Variants in RSF1 observed in about 807,000 individuals in gnomAD.
The protein encoded by RSF1 is remodeling and spacing factor 1.
In RSF1, 13 loss-of-function variants were observed where a neutral mutation model predicts 145.2. The observed-to-expected ratio is 0.09, with a 90% CI of 0.06 to 0.14. The LOEUF (loss-of-function observed/expected upper bound fraction) is 0.14, where lower values mean the gene tolerates loss of function less well. Among genes scored for constraint, RSF1 ranks in the 10% least tolerant of loss-of-function variants. The pLI, the probability that RSF1 is intolerant of heterozygous loss-of-function variation, is 1.00. For synonymous variants in RSF1, 577 were observed against 592.6 expected (o/e 0.97, Z 0.38); for missense variants, 1,517 against 1,718.2 (o/e 0.88, Z 2.07).
At chr11:77,838,357 A>T in the RSF1 span, among the ~76,000 whole-genome samples, 2 of 152,182 alleles carry the variant, frequency 1.3e-5, no homozygotes, top group African/African-American at 4.8e-5. Context: ...TATATATGAG[A>T]TTATATCCTT....
At chr11:77,675,780 C>T (rs1395345929) in intron 13 of RSF1, among the ~76,000 whole-genome samples, 1 of 152,204 alleles carries the variant, frequency 6.6e-6, no homozygotes, top group Non-Finnish European at 1.5e-5. Flanking sequence ...CAAATAGTTT[C>T]TCTAATATCT....
chr11:77,827,912 A>G, the RSF1 span, among the ~76,000 whole-genome samples: 61,021 of 151,950 alleles, frequency 0.4, 12,878 homozygotes, highest in African/African-American at 0.52. Context: ...AGGCAAGCAC[A>G]TTTGCAGGAT....
At chr11:77,828,425 T>C in the RSF1 span, among the ~76,000 whole-genome samples, 1 of 152,028 alleles carries the variant, frequency 6.6e-6, no homozygotes, top group African/African-American at 2.4e-5. Context: ...CCCAGTACTT[T>C]GGGAGGCCGA....
intron 4 of RSF1, among the ~76,000 whole-genome samples, chr11:77,727,456 T>G (rs1961081795): frequency 6.7e-6 from 1 of 150,042 alleles, no homozygotes; most frequent in Admixed American, 6.7e-5. Context: ...GAAAATCTAT[T>G]TCAATTACTT....
intron 4 of RSF1, among the ~76,000 whole-genome samples, chr11:77,734,309 G>A (rs558548192): frequency 3.5e-5 from 3 of 85,504 alleles, no homozygotes; most frequent in Admixed American, 1.1e-4. Context: ...TACTTTTTTT[G>A]GGGGGGGGTA....
At chr11:77,796,876 G>C (rs1000046698) in intron 1 of RSF1, among the ~76,000 whole-genome samples, 2 of 152,118 alleles carry the variant, frequency 1.3e-5, no homozygotes, top group Admixed American at 1.3e-4. Context: ...CAGACAAACT[G>C]AGAGCCAAAT....
rs1364150090 is a variant in RSF1, at chr11:77,769,506, CA to C, written c.188-4818del. ...TTCATAAACAAACCCCCTTCTTTCACAGGGCCTCAGGAGGTGAAAGACTCTG... is the reference window on the plus strand; with the variant it reads ...TTCATAAACAAACCCCCTTCTTTCACGGGCCTCAGGAGGTGAAAGACTCTG... On this transcript the variant is annotated intron_variant, in intron 1 of 15. Transcript: ENST00000308488. 6.6e-5 allele frequency among the ~76,000 whole-genome samples: 10 copies of C among 152,298 alleles called. No homozygotes were observed. In the East Asian group the frequency reaches 1.3e-3, roughly 21 times the overall value.
intron 4 of RSF1, among the ~76,000 whole-genome samples, 195 bp from the exon 5 acceptor site, chr11:77,725,894 A>G (rs1343593524): frequency 1.3e-5 from 2 of 152,234 alleles, no homozygotes; most frequent in South Asian, 2.1e-4. Context: ...ACTGTTCTTC[A>G]GAGAAGAATA....
chr11:77,786,470 C>T (rs1210575480), intron 1 of RSF1, among the ~76,000 whole-genome samples: 2 of 152,012 alleles, frequency 1.3e-5, no homozygotes, highest in Non-Finnish European at 2.9e-5. Context: ...GCCAGGAGTA[C>T]CCCAAGGAAC....
chr11:77,825,882 G>A, the RSF1 span, among the ~76,000 whole-genome samples: 1 of 151,910 alleles, frequency 6.6e-6, no homozygotes, highest in Non-Finnish European at 1.5e-5. Context: ...TGTAGAGATG[G>A]GGTTTCACTA....
At position 77,720,590 on chromosome 11, in the gene RSF1, G is replaced by A. The variant is rs137933856; in HGVS notation, c.733+4955C>T. ...ATAACAACTCAAAAAGTATTTGAGC[G>A]TTTCAAGCCTGATGCCACGACTAGC... is the stretch of plus-strand genomic sequence containing the variant. On this transcript the variant is annotated intron_variant, in intron 5 of 15. Transcript: ENST00000308488. Among the ~76,000 whole-genome samples, 309 of 152,278 alleles carry A rather than the reference G, an allele frequency of 2.0e-3. 1 individual carries two copies. The highest frequency in any genetic ancestry group is 6.9e-3 in the African/African-American group (288 of 41,554).
upstream of RSF1, among the ~76,000 whole-genome samples, chr11:77,824,780 T>G (rs544561302): frequency 3.5e-4 from 53 of 152,224 alleles, no homozygotes; most frequent in African/African-American, 1.2e-3. Context: ...ATTGGCAAGT[T>G]TATTTCTCAA....
the RSF1 span, among the ~76,000 whole-genome samples, chr11:77,867,042 C>G: frequency 6.6e-6 from 1 of 152,032 alleles, no homozygotes; most frequent in Non-Finnish European, 1.5e-5. Flanking sequence ...AGTTTCACCA[C>G]CTTAGCCAGG....
intron 5 of RSF1, among the ~76,000 whole-genome samples, chr11:77,719,336 C>A (rs1258373234): frequency 6.6e-6 from 1 of 152,080 alleles, no homozygotes; most frequent in African/African-American, 2.4e-5. Flanking sequence ...TTTGTTATTC[C>A]AAAATTGATA....
chr11:77,819,507 A>C (rs569382107), intron 1 of RSF1, among the ~76,000 whole-genome samples: 36 of 152,338 alleles, frequency 2.4e-4, no homozygotes, highest in Admixed American at 5.9e-4. Context: ...TGCGCCCTGC[A>C]CCCGCGCGGT....
At position 77,752,825 on chromosome 11, in the gene RSF1, G is replaced by C. The variant is rs190501746; in HGVS notation, c.280-5697C>G. ...AAGTCACAGGATGAGATAGGAAGTC[G>C]GCACAAGATAAAGGTCATAAAGACC... On this transcript the variant is annotated intron_variant, in intron 2 of 15. Transcript: ENST00000308488. Among the ~76,000 whole-genome samples the C allele has an allele frequency of 2.6e-4, 40 of 152,138 alleles. No homozygotes were observed. The East Asian group carries it at 7.0e-3, about 27-fold the overall frequency.
At chr11:77,718,340 CG>C (rs911250486) in intron 5 of RSF1, 3 of 152,030 alleles carry the variant, frequency 2.0e-5, no homozygotes, top group Non-Finnish European at 4.4e-5. Flanking sequence ...TTTTGATACA[CG>C]TAATAGTTTT....
chr11:77,730,927 C>T (rs1214147788), intron 4 of RSF1, among the ~76,000 whole-genome samples: 3 of 152,086 alleles, frequency 2.0e-5, no homozygotes, highest in Admixed American at 6.5e-5. Context: ...TCTTTATCAG[C>T]AGCATGAAAA....
At chr11:77,772,208 T>G (rs915783759) in intron 1 of RSF1, among the ~76,000 whole-genome samples, 1 of 152,042 alleles carries the variant, frequency 6.6e-6, no homozygotes, top group Non-Finnish European at 1.5e-5. Context: ...GGGTCTCACA[T>G]CACTCAGGCT....
Sources: allele counts gnomAD v4.1 joint callset (sites outside exome capture counted in the v4.1 genomes callset), GRCh38; gene constraint gnomAD v4.1.1; transcripts MANE v1.5; gene names NCBI Gene and HGNC (gene_info 2026-07-23, HGNC 2026-07-21).